ARHGAP32: variants seen among roughly 807,000 people sequenced by gnomAD.
ARHGAP32 encodes Rho GTPase activating protein 32, also known as rho GTPase-activating protein 32.
A neutral mutation model predicts 186.5 loss-of-function variants in ARHGAP32; 51 were observed. That is an observed-to-expected ratio of 0.27 (90% CI 0.22 to 0.35). The LOEUF is 0.35. Ranked by LOEUF, ARHGAP32 falls within the 10% of genes least tolerant of loss-of-function variation. The pLI is 1.00. For missense variants in ARHGAP32, 2,186 were observed against 2,623.5 expected (o/e 0.83, Z 3.64); for synonymous variants, 950 against 964.3 (o/e 0.99, Z 0.27).
At chr11:129,170,023 A>G (rs1943725191) in intron 1 of ARHGAP32, among the ~76,000 whole-genome samples, 1 of 152,152 alleles carries the variant, frequency 6.6e-6, no homozygotes, top group South Asian at 2.1e-4. Context: ...TAAAACTCCT[A>G]AACAAAATAT....
intron 11 of ARHGAP32, among the ~76,000 whole-genome samples, chr11:129,031,970 C>T (rs1162421936): frequency 2.6e-5 from 4 of 152,142 alleles, no homozygotes; most frequent in African/African-American, 9.7e-5. Flanking sequence ...TGGTCAAACT[C>T]CAGGGGAGGA....
intron 15 of ARHGAP32, among the ~76,000 whole-genome samples, chr11:128,985,269 C>T (rs1227122523): frequency 1.3e-5 from 2 of 152,112 alleles, no homozygotes; most frequent in African/African-American, 4.8e-5. Flanking sequence ...CCACCCACCT[C>T]GGCCTCCCAA....
At chr11:129,224,623 A>G (rs1944755439) in intron 1 of ARHGAP32, among the ~76,000 whole-genome samples, 1 of 152,092 alleles carries the variant, frequency 6.6e-6, no homozygotes, top group Non-Finnish European at 1.5e-5. Context: ...ACTGAAAGCC[A>G]GGAGCCTGGC....
At position 129,134,054 on chromosome 11, in the gene ARHGAP32, TA is replaced by T. The variant is rs568818285; in HGVS notation, c.226-9161del. Among the ~76,000 whole-genome samples the T allele has an allele frequency of 2.7e-4, 41 of 152,208 alleles. No homozygotes were observed. In the South Asian group the frequency reaches 4.1e-3, roughly 15 times the overall value. Reference sequence around the variant, plus strand: ...AAGTATAAAATAATAATTTTAAGTATAATATGAAAAGTTTAGTAAATTGGAA... The same window carrying T: ...AAGTATAAAATAATAATTTTAAGTATATATGAAAAGTTTAGTAAATTGGAA... On this transcript the variant is annotated intron_variant, in intron 2 of 22. Coordinates refer to ENST00000682385, the MANE Select transcript of ARHGAP32 (RefSeq NM_001378024.1).
rs1355518554 is a variant in ARHGAP32, at chr11:128,965,736, AT to A, written c.*3170del. On this transcript the variant is annotated 3_prime_UTR_variant, in exon 23 of 23. Transcript: ENST00000682385. ...AAGCAGTACTTTGCCAACATCCTAA[AT>A]GGGTGACTGACAGGGCTGAAAACAG... 5 of 152,206 alleles carry A rather than the reference AT, an allele frequency of 3.3e-5. No homozygotes were observed. The highest frequency in any genetic ancestry group is 1.2e-4 in the African/African-American group (5 of 41,454). The allele number at this position is 152,206 out of a possible 1,614,324, so 9.4% of individuals were successfully genotyped here.
Position 129,164,324 on chromosome 11 carries a change from C to T in ARHGAP32, c.220G>A (p.Ala74Thr), listed in dbSNP as rs547505723. The T allele has an allele frequency of 1.0e-3, 1,534 of 1,536,568 alleles. 28 individuals carry two copies. The South Asian group carries it at 0.017, about 17-fold the overall frequency. Residue 74 changes from alanine to threonine, a missense_variant, in exon 2 of 23, where the codon GCA (alanine) becomes ACA (threonine). Transcript: ENST00000682385. ...ATTGTATAAAACTGATTTACCATTGCGCTAAGAGTTTCTTCCCAATCAGGC... is the reference window on the plus strand; with the variant it reads ...ATTGTATAAAACTGATTTACCATTGTGCTAAGAGTTTCTTCCCAATCAGGC... ...ERPDWEETLS[A>T]MARGADVPEI...
intron 1 of ARHGAP32, among the ~76,000 whole-genome samples, chr11:129,213,014 C>T (rs1944600162): frequency 6.6e-6 from 1 of 151,890 alleles, no homozygotes; most frequent in Admixed American, 6.6e-5. Context: ...CTGGCCTTTG[C>T]CTTGTTGTCC....
intron 1 of ARHGAP32, among the ~76,000 whole-genome samples, chr11:129,208,112 T>C (rs551717287): frequency 2.0e-5 from 3 of 152,166 alleles, no homozygotes; most frequent in South Asian, 2.1e-4. Flanking sequence ...ATAAAAGCTA[T>C]GTGAACTTCG....
intron 20 of ARHGAP32, 57 bp from the exon 21 acceptor site, chr11:128,975,059 G>T: frequency 1.4e-6 from 2 of 1,436,606 alleles, no homozygotes; most frequent in Non-Finnish European, 1.9e-6. Flanking sequence ...AGAATGCTGT[G>T]GTAAGTCACC....
intron 13 of ARHGAP32, among the ~76,000 whole-genome samples, chr11:128,987,709 A>C (rs934223696): frequency 6.6e-6 from 1 of 152,184 alleles, no homozygotes; most frequent in Non-Finnish European, 1.5e-5. Flanking sequence ...ACACCTAAAG[A>C]ATAATTTTAT....
intron 1 of ARHGAP32, among the ~76,000 whole-genome samples, chr11:129,184,777 A>T (rs1390337984): frequency 2.6e-5 from 4 of 152,152 alleles, no homozygotes; most frequent in Non-Finnish European, 5.9e-5. Flanking sequence ...AACTCTTAAC[A>T]AGTAGTCTGG....
At chr11:129,022,376 T>G (rs1938634481) in intron 11 of ARHGAP32, among the ~76,000 whole-genome samples, 2 of 152,154 alleles carry the variant, frequency 1.3e-5, no homozygotes, top group African/African-American at 4.8e-5. Context: ...TTGTGGGTTT[T>G]GTTTTGTTTT....
intron 1 of ARHGAP32, among the ~76,000 whole-genome samples, chr11:129,239,050 ATGT>A (rs1229586432): frequency 6.6e-6 from 1 of 151,946 alleles, no homozygotes; most frequent in Non-Finnish European, 1.5e-5. Context: ...ACGTTTCACT[ATGT>A]TGCCCAGACT....
intron 1 of ARHGAP32, among the ~76,000 whole-genome samples, chr11:129,181,824 A>G (rs1944060044): frequency 6.6e-6 from 1 of 152,152 alleles, no homozygotes; most frequent in African/African-American, 2.4e-5. Context: ...ATATAAAGAA[A>G]AATTATTCCC....
intron 1 of ARHGAP32, among the ~76,000 whole-genome samples, chr11:129,230,686 C>T (rs1387170601): frequency 6.6e-6 from 1 of 151,864 alleles, no homozygotes; most frequent in African/African-American, 2.4e-5. Context: ...TAAGTATGTG[C>T]CTGAGAGTAA....
chr11:129,124,127 T>C (rs1263798740), intron 3 of ARHGAP32, among the ~76,000 whole-genome samples, 198 bp from the exon 4 acceptor site: 1 of 152,188 alleles, frequency 6.6e-6, no homozygotes, highest in Non-Finnish European at 1.5e-5. Context: ...GATTTTGGAA[T>C]ATTTGCATAT....
chr11:129,120,153 GGT>G (rs1441687358), intron 5 of ARHGAP32, among the ~76,000 whole-genome samples: 1 of 152,040 alleles, frequency 6.6e-6, no homozygotes, highest in African/African-American at 2.4e-5. Flanking sequence ...AGGTGGGCAT[GGT>G]TAGATCCTGG....
chr11:129,086,786 A>T (rs1482630085), intron 6 of ARHGAP32, among the ~76,000 whole-genome samples: 2 of 148,182 alleles, frequency 1.3e-5, no homozygotes, highest in African/African-American at 5.0e-5. Context: ...GCGCCACTGC[A>T]CTCCAGCCTG....
chr11:129,196,960 G>A (rs1335339322), upstream of ARHGAP32, among the ~76,000 whole-genome samples: 2 of 152,140 alleles, frequency 1.3e-5, no homozygotes, highest in Non-Finnish European at 2.9e-5. Context: ...GGTAGGCTGA[G>A]GCAGGAGAAT....
Sources: gnomAD v4.1 joint callset for allele counts (sites outside exome capture counted in the v4.1 genomes callset) on GRCh38, gnomAD v4.1.1 for gene constraint, MANE v1.5 for transcripts, NCBI Gene and HGNC (gene_info 2026-07-23, HGNC 2026-07-21) for gene names.